TTLL5: variants seen among roughly 807,000 people sequenced by gnomAD.
The protein encoded by TTLL5 is tubulin tyrosine ligase like 5, also known as tubulin polyglutamylase TTLL5.
TTLL5 carries 132 observed loss-of-function variants against 168.4 expected under a neutral mutation model. That is an observed-to-expected ratio of 0.78 (90% CI 0.68 to 0.91). The LOEUF (loss-of-function observed/expected upper bound fraction) is 0.91, where lower values mean the gene tolerates loss of function less well. TTLL5 is among the 40% of genes least tolerant of loss of function. TTLL5 has a pLI of 0.00. For missense variants in TTLL5, 1,545 were observed against 1,581.5 expected, an observed-to-expected ratio of 0.98 and a Z score of 0.39; for synonymous variants, 546 against 558.6, an observed-to-expected ratio of 0.98 and a Z score of 0.32.
At position 75,717,704 on chromosome 14, in the gene TTLL5, T is replaced by G. The variant is rs1887564918; in HGVS notation, c.741-157T>G. On this transcript the variant is annotated intron_variant, in intron 9 of 31. Coordinates refer to ENST00000298832, the MANE Select transcript of TTLL5 (RefSeq NM_015072.5). Reference sequence around the variant, plus strand: ...AAGGATTGAATTAAGTATGACATTATAAAACACTTAGAATGGGAGTTAGCA... The same window carrying G: ...AAGGATTGAATTAAGTATGACATTAGAAAACACTTAGAATGGGAGTTAGCA... The G allele has an allele frequency of 9.5e-6, 6 of 629,078 alleles. No homozygotes were observed. The East Asian group carries it at 1.7e-4, about 18-fold the overall frequency. The allele number at this position is 629,078 out of a possible 1,614,324, so 39.0% of individuals were successfully genotyped here. A position where few individuals can be genotyped will look rare whatever the true frequency, so the allele number is the denominator to read the frequency against.
At chr14:75,824,721 T>A (rs2140423856) in intron 28 of TTLL5, among the ~76,000 whole-genome samples, 1 of 149,572 alleles carries the variant, frequency 6.7e-6, no homozygotes, top group African/African-American at 2.5e-5. Flanking sequence ...ACATTTAAAA[T>A]TATGTGTTTT....
intron 29 of TTLL5, among the ~76,000 whole-genome samples, chr14:75,873,472 T>C (rs1206061762): frequency 2.6e-5 from 4 of 152,224 alleles, no homozygotes; most frequent in African/African-American, 7.2e-5. Context: ...ACCATTCTAC[T>C]TTCTGTGAGT....
At position 75,669,421 on chromosome 14, in the gene TTLL5, A is replaced by G. The variant is rs1286915140; in HGVS notation, c.80A>G (p.His27Arg). Residue 27 changes from histidine to arginine, a missense_variant, in exon 3 of 32, where the codon CAT becomes CGT. By Grantham distance (29) the His-to-Arg change is conservative. Coordinates refer to ENST00000298832, the MANE Select transcript of TTLL5 (RefSeq NM_015072.5). ...AGGCTTTTTTGTCGTTATAGGGATC[A>G]TCCATGCATCATGTGGACTGGAGGC... ...EDEEVISQED[H>R]PCIMWTGGCR... 6.2e-7 allele frequency: 1 copy of G among 1,613,176 alleles called. No homozygotes were observed. Among genetic ancestry groups the G allele is most frequent in the Non-Finnish European group, 8.5e-7 (1 of 1,179,390 alleles).
At chr14:75,872,436 C>T (rs1282035748) in intron 29 of TTLL5, among the ~76,000 whole-genome samples, 5 of 152,156 alleles carry the variant, frequency 3.3e-5, no homozygotes, top group Non-Finnish European at 4.4e-5. Flanking sequence ...AATCATACTC[C>T]ATGGGTTTGA....
chr14:75,945,248 A>G (rs1566671858), intron 31 of TTLL5, among the ~76,000 whole-genome samples: 1 of 147,622 alleles, frequency 6.8e-6, no homozygotes, highest in African/African-American at 2.5e-5. Context: ...TTTATAATAT[A>G]TATTATATAT....
At chr14:75,705,920 C>T (rs1886627499) in intron 7 of TTLL5, among the ~76,000 whole-genome samples, 1 of 151,708 alleles carries the variant, frequency 6.6e-6, no homozygotes, top group Non-Finnish European at 1.5e-5. Context: ...ACAATAATTT[C>T]CTGCTTCCCA....
Position 75,882,346 on chromosome 14 carries a change from TC to T in TTLL5, c.3523-338del, listed in dbSNP as rs750585632. Among the ~76,000 whole-genome samples the T allele has an allele frequency of 1.1e-4, 16 of 152,314 alleles. No individual in the cohort carries two copies. In the East Asian group the frequency reaches 1.9e-3, roughly 18 times the overall value. On this transcript the variant is annotated intron_variant, in intron 29 of 31. Coordinates refer to ENST00000298832, the MANE Select transcript of TTLL5 (RefSeq NM_015072.5). The stretch of plus-strand genomic sequence containing the variant: ...GTACTTCACGCCTCGAAAGAGACAT[TC>T]ATTAAAAAAGTGTTGAATTTAACAA...
intron 30 of TTLL5, among the ~76,000 whole-genome samples, chr14:75,901,178 T>A (rs998717155): frequency 2.0e-5 from 3 of 152,118 alleles, no homozygotes; most frequent in African/African-American, 7.2e-5. Flanking sequence ...TTCAAAAAAA[T>A]TTATAAATAT....
chr14:75,683,526 T>C, intron 4 of TTLL5, 24 bp from the exon 5 acceptor site: 4 of 1,584,322 alleles, frequency 2.5e-6, no homozygotes, highest in Non-Finnish European at 3.5e-6. Context: ...TTTTTTGCCT[T>C]CTTGTCTTTC....
rs1452713622 is a variant in TTLL5 at position 75,690,178 on chromosome 14, T to C, written c.372-14T>C. On this transcript the variant is annotated splice_polypyrimidine_tract_variant and intron_variant, in intron 5 of 31. Coordinates refer to ENST00000298832, the MANE Select transcript of TTLL5 (RefSeq NM_015072.5). ...CATAGTTTACTGAATGGAAATACTT[T>C]TTTGATTTTTCAGGTCTTATGAACT... The C allele has an allele frequency of 4.3e-6, 7 of 1,612,344 alleles. No individual in the cohort carries two copies. The highest frequency in any genetic ancestry group is 1.1e-5 in the South Asian group (1 of 90,696).
rs181285963 is a variant in TTLL5 at position 75,689,847 on chromosome 14, A to G, written c.372-345A>G. 13 of 246,720 alleles carry G rather than the reference A, an allele frequency of 5.3e-5. No homozygotes were observed. The East Asian group carries it at 9.7e-4, about 18-fold the overall frequency. The allele number at this position is 246,720 out of a possible 1,614,324, so 15.3% of individuals were successfully genotyped here. ...CTGGAGGTGATTGGGAGGGTCCACT[A>G]CAGGGGGACTTGAGGTAACTTTTTG... On this transcript the variant is annotated intron_variant, in intron 5 of 31. Transcript: ENST00000298832.
chr14:75,662,008 TTTC>T (rs1197953686), intron 1 of TTLL5, among the ~76,000 whole-genome samples: 29 of 152,346 alleles, frequency 1.9e-4, no homozygotes, highest in African/African-American at 6.3e-4. Context: ...GTAGTTCCTA[TTTC>T]TTCTTCTGAC....
chr14:75,898,761 C>T (rs2032788873), intron 30 of TTLL5, among the ~76,000 whole-genome samples: 1 of 152,216 alleles, frequency 6.6e-6, no homozygotes, highest in Non-Finnish European at 1.5e-5. Flanking sequence ...CTGACACTGG[C>T]AGAAAAATAC....
At chr14:75,705,941 T>C (rs1390152212) in intron 7 of TTLL5, among the ~76,000 whole-genome samples, 1 of 152,064 alleles carries the variant, frequency 6.6e-6, no homozygotes, top group Admixed American at 6.6e-5. Context: ...CCATGCTAAA[T>C]ATAAACTCCC....
intron 21 of TTLL5, 143 bp downstream of exon 21, chr14:75,771,997 T>C: frequency 2.1e-6 from 2 of 937,332 alleles, no homozygotes; most frequent in Non-Finnish European, 1.5e-6. Flanking sequence ...AGATTTCTTA[T>C]AAATCTATAC....
chr14:75,938,087 TA>T (rs2034487329), intron 31 of TTLL5, among the ~76,000 whole-genome samples: 1 of 152,252 alleles, frequency 6.6e-6, no homozygotes, highest in South Asian at 2.1e-4. Context: ...GATGTGGTTT[TA>T]AATTAAACAT....
At chr14:75,831,662 C>G (rs1189165563) in intron 28 of TTLL5, among the ~76,000 whole-genome samples, 1 of 152,188 alleles carries the variant, frequency 6.6e-6, no homozygotes, top group Non-Finnish European at 1.5e-5. Flanking sequence ...GGGTGGGGTC[C>G]TGCCTGATGG....
chr14:75,688,324 G>A (rs1334859575), intron 5 of TTLL5, among the ~76,000 whole-genome samples: 1 of 152,182 alleles, frequency 6.6e-6, no homozygotes, highest in Admixed American at 6.5e-5. Context: ...AAAGGACTGG[G>A]TTTGGAGAGC....
Position 75,783,255 on chromosome 14 carries a change from C to A in TTLL5, c.2711C>A (p.Thr904Lys), listed in dbSNP as rs768247311. 5 of 1,614,230 alleles carry A rather than the reference C, an allele frequency of 3.1e-6. No individual in the cohort carries two copies. The highest frequency in any genetic ancestry group is 3.4e-6 in the Non-Finnish European group (4 of 1,180,034). The change falls in exon 26 of 32, where the codon ACA becomes AAA. Residue 904 changes from threonine to lysine, a missense_variant. Thr to Lys is a moderately conservative substitution (Grantham distance 78, BLOSUM62 -1). Coordinates refer to ENST00000298832, the MANE Select transcript of TTLL5 (RefSeq NM_015072.5). The part of the protein sequence containing the change: ...KIPNTHLSSV[T>K]TSDLSPGPCH... Reference sequence around the variant, plus strand: ...CCCAACACCCATTTGTCATCTGTTACAACCTCTGACCTCTCTCCAGGGCCT... The same window carrying A: ...CCCAACACCCATTTGTCATCTGTTAAAACCTCTGACCTCTCTCCAGGGCCT...
Sources: allele counts gnomAD v4.1 joint callset (sites outside exome capture counted in the v4.1 genomes callset), GRCh38; gene constraint gnomAD v4.1.1; transcripts MANE v1.5; gene names NCBI Gene and HGNC (gene_info 2026-07-23, HGNC 2026-07-21).